EYA4: variants seen among roughly 807,000 people sequenced by gnomAD.
EYA4 encodes the protein protein phosphatase EYA4.
A neutral mutation model predicts 87.9 loss-of-function variants in EYA4; 31 were observed. That is an observed-to-expected ratio of 0.35 (90% confidence interval 0.27 to 0.48). The LOEUF is 0.48. Among genes scored for constraint, EYA4 ranks in the 20% least tolerant of loss-of-function variants. EYA4 has a pLI of 0.99. For synonymous variants in EYA4, 263 were observed against 270.6 expected, an observed-to-expected ratio of 0.97 and a Z score of 0.28; for missense variants, 678 against 761.4, an observed-to-expected ratio of 0.89 and a Z score of 1.29.
intron 2 of EYA4, among the ~76,000 whole-genome samples, chr6:133,309,423 G>A (rs17301622): frequency 0.44 from 66,159 of 151,924 alleles, 15,123 homozygotes; most frequent in Non-Finnish European, 0.52. Flanking sequence ...TTATTAGGCA[G>A]TTATGGCTTC....
intron 3 of EYA4, among the ~76,000 whole-genome samples, chr6:133,399,302 A>C (rs569955251): frequency 1.3e-5 from 2 of 152,350 alleles, no homozygotes; most frequent in African/African-American, 4.8e-5. Context: ...GAAGGAAATT[A>C]CTTTTGTTAA....
At chr6:133,389,029 C>CT (rs1583145931) in intron 3 of EYA4, among the ~76,000 whole-genome samples, 1 of 152,154 alleles carries the variant, frequency 6.6e-6, no homozygotes, top group African/African-American at 2.4e-5. Flanking sequence ...GGCTGGGACT[C>CT]TCCTTCCCTT....
At chr6:133,252,755 C>T (rs146442485) in intron 1 of EYA4, among the ~76,000 whole-genome samples, 1 of 152,142 alleles carries the variant, frequency 6.6e-6, no homozygotes, top group Non-Finnish European at 1.5e-5. Flanking sequence ...GAGTTCTAAA[C>T]AGTAGATAAT....
At chr6:133,404,246 G>A (rs564619028) in intron 3 of EYA4, among the ~76,000 whole-genome samples, 13 of 152,160 alleles carry the variant, frequency 8.5e-5, no homozygotes, top group Non-Finnish European at 1.6e-4. Context: ...AAAAGACAAA[G>A]CACATCATCT....
At chr6:133,404,109 C>T (rs188393713) in intron 3 of EYA4, among the ~76,000 whole-genome samples, 76 of 152,244 alleles carry the variant, frequency 5.0e-4, no homozygotes, top group Non-Finnish European at 8.8e-4. Context: ...CCACTGTGCC[C>T]GGCCTCCTGT....
chr6:133,374,538 T>G (rs144477996), intron 2 of EYA4, among the ~76,000 whole-genome samples: 1 of 152,110 alleles, frequency 6.6e-6, no homozygotes, highest in African/African-American at 2.4e-5. Context: ...GCACTTAGAG[T>G]ATTTGATAGT....
At position 133,422,742 on chromosome 6, in the gene EYA4, A is replaced by G. The variant is rs537995214; in HGVS notation, c.84-23888A>G. ...AAATATTTCAAAGATTTCAATAAAA[A>G]TTAATAAACACAATTGGTAGAATAT... On this transcript the variant is annotated intron_variant, in intron 3 of 19. Transcript: ENST00000355286. Among the ~76,000 whole-genome samples the G allele has an allele frequency of 3.5e-4, 54 of 152,346 alleles. 1 individual carries two copies. Among genetic ancestry groups the G allele is most frequent in the Admixed American group, 3.3e-3 (51 of 15,302 alleles).
intron 2 of EYA4, among the ~76,000 whole-genome samples, chr6:133,371,794 A>C (rs1212992085): frequency 6.6e-6 from 1 of 152,170 alleles, no homozygotes; most frequent in Non-Finnish European, 1.5e-5. Context: ...TGTTGAAGAA[A>C]TAGAAAAGCC....
At chr6:133,411,346 C>T (rs1789215883) in intron 3 of EYA4, among the ~76,000 whole-genome samples, 1 of 152,006 alleles carries the variant, frequency 6.6e-6, no homozygotes, top group South Asian at 2.1e-4. Context: ...TTATAGAGCA[C>T]AAATATGAAA....
chr6:133,409,593 A>G (rs139981314), intron 3 of EYA4, among the ~76,000 whole-genome samples: 4 of 152,314 alleles, frequency 2.6e-5, no homozygotes, highest in African/African-American at 9.6e-5. Context: ...TTCAAATACA[A>G]CTATAACCTA....
At chr6:133,407,517 CAGA>C (rs1788823245) in intron 3 of EYA4, among the ~76,000 whole-genome samples, 1 of 152,046 alleles carries the variant, frequency 6.6e-6, no homozygotes, top group Non-Finnish European at 1.5e-5. Context: ...GCAAGCTTAG[CAGA>C]AGCAGTTCCA....
intron 1 of EYA4, among the ~76,000 whole-genome samples, chr6:133,260,638 T>G (rs1775724469): frequency 6.6e-6 from 1 of 152,174 alleles, no homozygotes; most frequent in African/African-American, 2.4e-5. Context: ...AACCTCTAGG[T>G]CAGTCTTTAT....
At chr6:133,466,305 A>T (rs1794833946) in intron 10 of EYA4, among the ~76,000 whole-genome samples, 1 of 152,150 alleles carries the variant, frequency 6.6e-6, no homozygotes, top group Non-Finnish European at 1.5e-5. Flanking sequence ...TAATCATAGA[A>T]CAGATCTGAT....
chr6:133,388,265 G>A (rs991090849), intron 3 of EYA4, among the ~76,000 whole-genome samples: 24 of 151,806 alleles, frequency 1.6e-4, no homozygotes, highest in African/African-American at 1.5e-4. Context: ...AAATTAGTAG[G>A]GCATAGTGGT....
At chr6:133,450,872 G>A (rs1400396862) in intron 5 of EYA4, among the ~76,000 whole-genome samples, 3 of 152,094 alleles carry the variant, frequency 2.0e-5, no homozygotes, top group Non-Finnish European at 4.4e-5. Context: ...TACTACATTG[G>A]TGCTCTTTAA....
intron 2 of EYA4, among the ~76,000 whole-genome samples, chr6:133,275,808 TAGTCTA>T (rs1777117724): frequency 6.6e-6 from 1 of 152,200 alleles, no homozygotes; most frequent in African/African-American, 2.4e-5. Flanking sequence ...GACATGACCA[TAGTCTA>T]ATTTCAATAT....
chr6:133,247,107 T>A (rs1449583844), intron 1 of EYA4: 1 of 152,258 alleles, frequency 6.6e-6, no homozygotes, highest in Non-Finnish European at 1.5e-5. Flanking sequence ...TGGGCAATAT[T>A]GTTTGAGACA....
At chr6:133,338,629 T>C (rs1369573174) in intron 2 of EYA4, among the ~76,000 whole-genome samples, 1 of 152,214 alleles carries the variant, frequency 6.6e-6, no homozygotes, top group Non-Finnish European at 1.5e-5. Context: ...TGAATCCTGC[T>C]ACAACACTTT....
chr6:133,325,303 A>G (rs1395680964), intron 2 of EYA4: 1 of 152,198 alleles, frequency 6.6e-6, no homozygotes, highest in Admixed American at 6.5e-5. Flanking sequence ...TCCACATCAG[A>G]TGGGAAGAGT....
Sources: allele counts gnomAD v4.1 joint callset (sites outside exome capture counted in the v4.1 genomes callset), GRCh38; gene constraint gnomAD v4.1.1; transcripts MANE v1.5; gene names NCBI Gene and HGNC (gene_info 2026-07-23, HGNC 2026-07-21).